TRIP4: variants seen among roughly 807,000 people sequenced by gnomAD.
TRIP4 encodes thyroid hormone receptor interactor 4, also known as activating signal cointegrator 1.
Under a neutral mutation model 81.8 loss-of-function variants are expected in TRIP4, and 54 were observed. The ratio of observed to expected loss-of-function variants is 0.66; its 90% confidence interval spans 0.53 to 0.83. The LOEUF (loss-of-function observed/expected upper bound fraction) is 0.83, where lower values mean the gene tolerates loss of function less well. Ranked by LOEUF, TRIP4 falls within the 40% of genes least tolerant of loss-of-function variation. TRIP4 has a pLI of 0.00. For missense variants in TRIP4, 662 were observed against 683.6 expected (o/e 0.97, Z 0.35); for synonymous variants, 270 against 242.8 (o/e 1.11, Z -1.04).
chr15:64,392,803 C>G (rs1351842199), intron 1 of TRIP4, among the ~76,000 whole-genome samples: 2 of 152,006 alleles, frequency 1.3e-5, no homozygotes, highest in African/African-American at 2.4e-5. Flanking sequence ...CTTCTAGAGA[C>G]AAGGTCTCCC....
Position 64,401,954 on chromosome 15 carries a change from T to C in TRIP4, c.697+1133T>C, listed in dbSNP as rs928941993. Among the ~76,000 whole-genome samples the C allele has an allele frequency of 6.6e-5, 10 of 152,294 alleles. No homozygotes were observed. The South Asian group carries it at 1.2e-3, about 19-fold the overall frequency. ...CAGATCAGAGTAGATTAAGGATATA[T>C]ATGACGACTAATTGCAGTATAGATC... On this transcript the variant is annotated intron_variant, in intron 5 of 12. Coordinates refer to ENST00000261884, the MANE Select transcript of TRIP4 (RefSeq NM_016213.5).
chr15:64,432,922 AAAATAAAT>A lies in TRIP4; in HGVS notation c.1575+7311_1575+7318del, dbSNP rs59272780. Among the ~76,000 whole-genome samples the A allele has an allele frequency of 1.3e-4, 20 of 150,268 alleles. No homozygotes were observed. In the South Asian group the frequency reaches 3.4e-3, roughly 25 times the overall value. On this transcript the variant is annotated intron_variant, in intron 11 of 12. Coordinates refer to ENST00000261884, the MANE Select transcript of TRIP4 (RefSeq NM_016213.5). ...CAAGACTCCATCTCAAAAATAAATA[AAAATAAAT>A]AAATAAATAAATAAATAAACACTTG... is the stretch of plus-strand genomic sequence containing the variant.
intron 10 of TRIP4, among the ~76,000 whole-genome samples, 176 bp from the exon 11 acceptor site, chr15:64,425,364 G>A (rs1290228409): frequency 6.6e-6 from 1 of 152,166 alleles, no homozygotes; most frequent in Non-Finnish European, 1.5e-5. Context: ...CCACTCACTA[G>A]ATTTTTTTGC....
chr15:64,398,525 T>C (rs1043639007), intron 4 of TRIP4, among the ~76,000 whole-genome samples: 1 of 151,686 alleles, frequency 6.6e-6, no homozygotes, highest in Non-Finnish European at 1.5e-5. Flanking sequence ...AAATGGGAGC[T>C]TCACTTGATC....
chr15:64,394,549 G>A (rs1900233164), intron 2 of TRIP4, among the ~76,000 whole-genome samples: 1 of 148,314 alleles, frequency 6.7e-6, no homozygotes, highest in Non-Finnish European at 1.5e-5. Flanking sequence ...AGCTTGCAGT[G>A]AGCTGAGATA....
chr15:64,426,426 G>T (rs1304232796), intron 11 of TRIP4, among the ~76,000 whole-genome samples: 1 of 152,000 alleles, frequency 6.6e-6, no homozygotes, highest in African/African-American at 2.4e-5. Flanking sequence ...CAGGTCGGGC[G>T]CAGTGGCTTA....
intron 11 of TRIP4, among the ~76,000 whole-genome samples, chr15:64,438,570 C>T (rs1293162117): frequency 2.0e-5 from 3 of 152,164 alleles, no homozygotes; most frequent in Admixed American, 6.5e-5. Flanking sequence ...GCACTTGCCT[C>T]GGCCTCCCAA....
intron 11 of TRIP4, among the ~76,000 whole-genome samples, chr15:64,443,587 T>C (rs1488637355): frequency 1.3e-5 from 2 of 152,192 alleles, no homozygotes; most frequent in South Asian, 2.1e-4. Flanking sequence ...CAATAACAGC[T>C]GGGCCCTGTT....
chr15:64,444,044 A>C (rs756126311), intron 11 of TRIP4, among the ~76,000 whole-genome samples: 7 of 152,142 alleles, frequency 4.6e-5, no homozygotes, highest in Non-Finnish European at 1.0e-4. Flanking sequence ...GAGAAATTTG[A>C]ATTTCCTTAC....
Position 64,453,929 on chromosome 15 carries a change from G to A in TRIP4, c.1679-1068G>A, listed in dbSNP as rs898988248. On this transcript the variant is annotated intron_variant, in intron 12 of 12. Coordinates refer to ENST00000261884, the MANE Select transcript of TRIP4 (RefSeq NM_016213.5). ...GAAATCCAGAGAAATTGAATGACTCGCCTAGGTCACACAGCTAGTTAATAC... is the reference window on the plus strand; with the variant it reads ...GAAATCCAGAGAAATTGAATGACTCACCTAGGTCACACAGCTAGTTAATAC... 3.3e-5 allele frequency among the ~76,000 whole-genome samples: 5 copies of A among 152,098 alleles called. No individual in the cohort carries two copies. In the East Asian group the frequency reaches 5.8e-4, roughly 18 times the overall value.
chr15:64,407,613 G>A (rs1247612930), intron 6 of TRIP4, among the ~76,000 whole-genome samples: 2 of 152,098 alleles, frequency 1.3e-5, no homozygotes. Flanking sequence ...CTTGCAGTGA[G>A]CCAAGATTGT....
chr15:64,443,707 G>A (rs572944817), intron 11 of TRIP4, among the ~76,000 whole-genome samples: 3 of 152,262 alleles, frequency 2.0e-5, no homozygotes, highest in Non-Finnish European at 4.4e-5. Context: ...TAATATGATT[G>A]TGGCTGATAG....
rs141757593 is a variant in TRIP4, at chr15:64,413,347, A to G, written c.1044-738A>G. On this transcript the variant is annotated intron_variant, in intron 7 of 12. Transcript: ENST00000261884. ...AGGTGTGAGCCACCATGCCCAGCTAATTTATTTTTTGTAGAACCAGGGTCT... is the reference window on the plus strand; with the variant it reads ...AGGTGTGAGCCACCATGCCCAGCTAGTTTATTTTTTGTAGAACCAGGGTCT... Among the ~76,000 whole-genome samples the G allele has an allele frequency of 3.5e-3, 533 of 151,738 alleles. 2 individuals are homozygous for G. The highest frequency in any genetic ancestry group is 0.012 in the African/African-American group (507 of 41,394).
At chr15:64,418,892 G>C (rs368253157) in intron 9 of TRIP4, among the ~76,000 whole-genome samples, 164 bp downstream of exon 9, 1 of 152,244 alleles carries the variant, frequency 6.6e-6, no homozygotes, top group South Asian at 2.1e-4. Context: ...CTTGGTAGCA[G>C]TATATTTTAA....
chr15:64,414,121 C>T lies in TRIP4; in HGVS notation c.1080C>T (p.Thr360=). The T allele has an allele frequency of 6.2e-7, 1 of 1,614,140 alleles. No homozygotes were observed. The highest frequency in any genetic ancestry group is 1.3e-5 in the African/African-American group (1 of 75,032). Residue 360 remains threonine (T), a synonymous_variant, in exon 8 of 13, where the codon ACC becomes ACT. Transcript: ENST00000261884. The part of the protein sequence containing the change: ...DETIQAIANG[T]LNQPLTKLDR... ...CAATACAGGCCATTGCCAATGGAAC[C>T]TTGAACCAGCCACTGACCAAATTGG...
Position 64,435,213 on chromosome 15 carries a change from CAA to C in TRIP4, c.1575+9605_1575+9606del, listed in dbSNP as rs35216763. ...TGAGTGACAGAGTGAGACCCCATCT[CAA>C]AAAAAAAAAAAAAAAAAAAAAAGAT... On this transcript the variant is annotated intron_variant, in intron 11 of 12. Coordinates refer to ENST00000261884, the MANE Select transcript of TRIP4 (RefSeq NM_016213.5). Among the ~76,000 whole-genome samples the C allele has an allele frequency of 6.1e-3, 305 of 50,398 alleles. 2 individuals carry two copies. The highest frequency in any genetic ancestry group is 0.027 in the African/African-American group (295 of 11,050). 33.1% of individuals were successfully genotyped at this position (50,398 alleles called of 152,430 possible).
At chr15:64,409,177 C>T (rs956281915) in intron 6 of TRIP4, among the ~76,000 whole-genome samples, 19 of 149,990 alleles carry the variant, frequency 1.3e-4, no homozygotes, top group South Asian at 4.2e-4. Context: ...AGCGACAGAA[C>T]GAGACTCTGT....
At chr15:64,424,209 C>T (rs945146706) in intron 10 of TRIP4, 54 bp downstream of exon 10, 13 of 1,601,480 alleles carry the variant, frequency 8.1e-6, no homozygotes, top group Admixed American at 5.2e-5. Flanking sequence ...AAGTCATTGA[C>T]GTTCATCTTC....
Position 64,402,609 on chromosome 15 carries a change from C to T in TRIP4, c.697+1788C>T, listed in dbSNP as rs574272804. On this transcript the variant is annotated intron_variant, in intron 5 of 12. Transcript: ENST00000261884. ...CGCGATCTCAGCTCACTGCAACCTCCGCCACTTGGGTTCAAGTGATTCTCC... is the reference window on the plus strand; with the variant it reads ...CGCGATCTCAGCTCACTGCAACCTCTGCCACTTGGGTTCAAGTGATTCTCC... 3.3e-3 allele frequency among the ~76,000 whole-genome samples: 498 copies of T among 151,646 alleles called. 1 individual carries two copies. Among genetic ancestry groups the T allele is most frequent in the Non-Finnish European group, 5.4e-3 (364 of 67,932 alleles).
Sources: allele counts gnomAD v4.1 joint callset (sites outside exome capture counted in the v4.1 genomes callset), GRCh38; gene constraint gnomAD v4.1.1; transcripts MANE v1.5; gene names NCBI Gene and HGNC (gene_info 2026-07-23, HGNC 2026-07-21).